GRIK1: variants seen among roughly 807,000 people sequenced by gnomAD.
The protein encoded by GRIK1 is glutamate ionotropic receptor kainate type subunit 1.
Under a neutral mutation model 105.7 loss-of-function variants are expected in GRIK1, and 69 were observed. That is an observed-to-expected ratio of 0.65 (90% confidence interval 0.54 to 0.80). The LOEUF (loss-of-function observed/expected upper bound fraction) is 0.80. GRIK1 is among the 30% of genes least tolerant of loss of function. GRIK1 has a pLI of 0.00. For missense variants in GRIK1, 1,109 were observed against 1,167.3 expected, an observed-to-expected ratio of 0.95 and a Z score of 0.73; for synonymous variants, 438 against 431.3, an observed-to-expected ratio of 1.02 and a Z score of -0.19.
chr21:29,677,799 G>T (rs936804176), intron 3 of GRIK1, among the ~76,000 whole-genome samples: 6 of 152,144 alleles, frequency 3.9e-5, no homozygotes, highest in East Asian at 1.9e-4. Context: ...GAGGTTAATT[G>T]TTTGGATCGG....
chr21:29,736,924 C>G (rs534427742), intron 1 of GRIK1, among the ~76,000 whole-genome samples: 13 of 152,006 alleles, frequency 8.6e-5, no homozygotes, highest in Non-Finnish European at 1.6e-4. Flanking sequence ...GGTAATCCAC[C>G]CACCTCGGCC....
intron 6 of GRIK1, among the ~76,000 whole-genome samples, chr21:29,648,708 T>C (rs947745531): frequency 6.6e-6 from 1 of 151,870 alleles, no homozygotes; most frequent in Non-Finnish European, 1.5e-5. Context: ...CGTCAGGTCA[T>C]AAGGGCTATG....
chr21:29,760,399 C>A (rs565624016), intron 1 of GRIK1: 1 of 152,222 alleles, frequency 6.6e-6, no homozygotes, highest in South Asian at 2.1e-4. Flanking sequence ...TGTGCCTCAA[C>A]ATATAAGCCA....
chr21:29,724,910 G>A (rs2064415106), intron 1 of GRIK1, among the ~76,000 whole-genome samples: 1 of 150,862 alleles, frequency 6.6e-6, no homozygotes, highest in African/African-American at 2.4e-5. Flanking sequence ...GTGGGAATTT[G>A]ACACTCAGTC....
chr21:29,916,030 C>G (rs774250330), intron 1 of GRIK1, among the ~76,000 whole-genome samples: 51 of 151,852 alleles, frequency 3.4e-4, no homozygotes, highest in South Asian at 1.2e-3. Context: ...CTGTAAAAGG[C>G]CAAGGTGAAC....
chr21:29,857,514 A>C (rs1180877840), intron 1 of GRIK1, among the ~76,000 whole-genome samples: 1 of 152,248 alleles, frequency 6.6e-6, no homozygotes, highest in Admixed American at 6.5e-5. Flanking sequence ...CAATGAAAAC[A>C]GTGAGTTAAA....
intron 1 of GRIK1, among the ~76,000 whole-genome samples, chr21:29,819,111 T>C (rs2067230898): frequency 6.6e-6 from 1 of 152,120 alleles, no homozygotes; most frequent in African/African-American, 2.4e-5. Context: ...AAGCTATGCT[T>C]ACATTATTAA....
At chr21:29,715,980 G>C (rs2064167786) in intron 1 of GRIK1, among the ~76,000 whole-genome samples, 1 of 152,016 alleles carries the variant, frequency 6.6e-6, no homozygotes, top group Non-Finnish European at 1.5e-5. Context: ...GGGACCAGGT[G>C]GGAGATAATT....
chr21:29,883,710 T>C (rs1356512669), intron 1 of GRIK1, among the ~76,000 whole-genome samples: 1 of 151,962 alleles, frequency 6.6e-6, no homozygotes, highest in Admixed American at 6.6e-5. Flanking sequence ...GAAAGACTGG[T>C]TTACAATGAT....
chr21:29,738,079 T>A (rs2146926579), intron 1 of GRIK1, among the ~76,000 whole-genome samples: 2 of 152,296 alleles, frequency 1.3e-5, no homozygotes, highest in Non-Finnish European at 2.9e-5. Flanking sequence ...CTCAAGAAGC[T>A]AGTCTACAAA....
chr21:29,818,660 C>T (rs1485013897), intron 1 of GRIK1, among the ~76,000 whole-genome samples: 1 of 152,098 alleles, frequency 6.6e-6, no homozygotes, highest in East Asian at 1.9e-4. Context: ...CCTGGGATTT[C>T]TTTCTCAGTA....
intron 1 of GRIK1, among the ~76,000 whole-genome samples, chr21:29,870,026 T>C (rs187028231): frequency 3.9e-3 from 63 of 16,144 alleles, no homozygotes; most frequent in African/African-American, 0.025. Flanking sequence ...TAATGAATAA[T>C]TGTTTAGTTT....
At chr21:29,569,006 T>C (rs2090675731) in intron 14 of GRIK1, among the ~76,000 whole-genome samples, 1 of 152,206 alleles carries the variant, frequency 6.6e-6, no homozygotes, top group Admixed American at 6.5e-5. Context: ...TGCTTCGGCA[T>C]ATGCAATGTA....
intron 1 of GRIK1, among the ~76,000 whole-genome samples, chr21:29,805,493 T>C (rs1396177695): frequency 6.6e-6 from 1 of 152,188 alleles, no homozygotes; most frequent in Non-Finnish European, 1.5e-5. Flanking sequence ...AAATGCAGTG[T>C]AATTTACCTG....
At chr21:29,787,383 T>C (rs1027239071) in intron 1 of GRIK1, among the ~76,000 whole-genome samples, 10 of 152,160 alleles carry the variant, frequency 6.6e-5, no homozygotes, top group African/African-American at 2.2e-4. Context: ...ATATAAATGT[T>C]TTCCTAATTT....
At chr21:29,792,413 A>T (rs1341414531) in intron 1 of GRIK1, among the ~76,000 whole-genome samples, 1 of 152,164 alleles carries the variant, frequency 6.6e-6, no homozygotes, top group Non-Finnish European at 1.5e-5. Context: ...TTACTTCCTG[A>T]AGGTGCATTT....
At chr21:29,780,673 A>C in intron 1 of GRIK1, among the ~76,000 whole-genome samples, 1 of 152,220 alleles carries the variant, frequency 6.6e-6, no homozygotes, top group South Asian at 2.1e-4. Context: ...GCATCATTTT[A>C]TCACTTGATT....
At chr21:29,551,440 G>A (rs1475767493) in intron 16 of GRIK1, among the ~76,000 whole-genome samples, 1 of 152,148 alleles carries the variant, frequency 6.6e-6, no homozygotes, top group East Asian at 1.9e-4. Context: ...AAGTTTGGCT[G>A]TTTTAGAAAA....
rs745507830 is a variant in GRIK1 at position 29,693,948 on chromosome 21, G to A, written c.234C>T (p.Thr78=). ...NRTLMPNTTL[T]YDIQRINLFD... ...AAAGGTTAATTCTCTGGATGTCATA[G>A]GTTAATGTGGTGTTAGGCATCAGGG... The change falls in exon 2 of 18, where the codon ACC becomes ACT. Residue 78 remains threonine, a synonymous_variant. Coordinates refer to ENST00000327783, the MANE Select transcript of GRIK1 (RefSeq NM_001330994.2). 6.8e-6 allele frequency: 11 copies of A among 1,612,984 alleles called. No homozygotes were observed. The highest frequency in any genetic ancestry group is 1.7e-4 in the Middle Eastern group (1 of 6,058).
Sources: allele counts gnomAD v4.1 joint callset (sites outside exome capture counted in the v4.1 genomes callset), GRCh38; gene constraint gnomAD v4.1.1; transcripts MANE v1.5; gene names NCBI Gene and HGNC (gene_info 2026-07-23, HGNC 2026-07-21).